The following ITFG2 variants were observed in gnomAD, a reference collection of about 807,000 sequenced individuals.
ITFG2 encodes KICSTOR complex protein ITFG2.
ITFG2 carries 36 observed loss-of-function variants against 54.4 expected under a neutral mutation model. The observed-to-expected ratio is 0.66, with a 90% confidence interval of 0.51 to 0.87. The LOEUF is 0.87. Among genes scored for constraint, ITFG2 ranks in the 40% least tolerant of loss-of-function variants. ITFG2 has a pLI of 0.00. For missense variants in ITFG2, 524 were observed against 576.7 expected, an observed-to-expected ratio of 0.91 and a Z score of 0.94; for synonymous variants, 211 against 225.4, an observed-to-expected ratio of 0.94 and a Z score of 0.57.
At chr12:2,816,320 C>T (rs998341949) in intron 1 of ITFG2, among the ~76,000 whole-genome samples, 6 of 149,098 alleles carry the variant, frequency 4.0e-5, no homozygotes, top group Non-Finnish European at 7.4e-5. Flanking sequence ...CGTGAGTCAC[C>T]GCACACAGCC....
At chr12:2,830,179 A>G (rs1027299098) in intron 2 of ITFG2, 1 of 152,188 alleles carries the variant, frequency 6.6e-6, no homozygotes, top group African/African-American at 2.4e-5. Flanking sequence ...AAAGGTTTCA[A>G]GGAGGAGGTA....
chr12:2,826,847 T>G, downstream of ITFG2: 1 of 377,996 alleles, frequency 2.6e-6, no homozygotes. Context: ...GGGGTGGTAT[T>G]GGGTGATGGA....
exon 4 of ITFG2, chr12:2,859,534 G>T: frequency 6.2e-7 from 1 of 1,614,040 alleles, no homozygotes. Context: ...TCCTCCCCAG[G>T]CTGGATTTCT....
chr12:2,816,309 G>T (rs2097921284), intron 1 of ITFG2, among the ~76,000 whole-genome samples: 1 of 150,662 alleles, frequency 6.6e-6, no homozygotes. Flanking sequence ...GGGATTATCG[G>T]CGTGAGTCAC....
At position 2,824,170 on chromosome 12, in the gene ITFG2, T is replaced by G. The variant is rs1426176667; in HGVS notation, c.1321T>G (p.Ser441Ala). The G allele has an allele frequency of 6.2e-7, 1 of 1,614,156 alleles. No homozygotes were observed. The highest frequency in any genetic ancestry group is 1.3e-5 in the African/African-American group (1 of 75,046). Reference sequence around the variant, plus strand: ...AGACCAGCCACCACAGTGTGCTCCCTCAAGCCTCCAGGATCCCACCTAGCT... The same window carrying G: ...AGACCAGCCACCACAGTGTGCTCCCGCAAGCCTCCAGGATCCCACCTAGCT... ...HPDQPPQCAP[S>A]SLQDPT Residue 441 changes from serine to alanine, a missense_variant, in exon 12 of 12, where the codon TCA becomes GCA. Coordinates refer to ENST00000228799, the MANE Select transcript of ITFG2 (RefSeq NM_018463.4).
chr12:2,859,303 G>A lies in ITFG2; in HGVS notation n.621-231G>A, dbSNP rs1277323216. On this transcript the variant is annotated intron_variant and non_coding_transcript_variant, in intron 3 of 3. Transcript: ENST00000537710. ...AGTAGATGCTGTTTTCTCCGAGACCGGCTCCTCTCCCTCCTCTCCCTGTGT... is the reference window on the plus strand; with the variant it reads ...AGTAGATGCTGTTTTCTCCGAGACCAGCTCCTCTCCCTCCTCTCCCTGTGT... 1.5e-5 allele frequency: 25 copies of A among 1,613,220 alleles called. No individual in the cohort carries two copies. The highest frequency in any genetic ancestry group is 6.7e-5 in the East Asian group (3 of 44,876).
chr12:2,851,959 G>A (rs375479700), intron 2 of ITFG2, among the ~76,000 whole-genome samples: 13 of 152,212 alleles, frequency 8.5e-5, no homozygotes, highest in African/African-American at 2.2e-4. Flanking sequence ...GATTACAGGC[G>A]TGAGCCACCA....
At chr12:2,858,391 C>T (rs979484466) in intron 3 of ITFG2, 1 of 486,286 alleles carries the variant, frequency 2.1e-6, no homozygotes, top group African/African-American at 1.9e-5. Context: ...CTCTTTTCAC[C>T]ATTGCCTTTG....
chr12:2,834,402 G>C (rs559055184), upstream of ITFG2, among the ~76,000 whole-genome samples: 6 of 152,262 alleles, frequency 3.9e-5, no homozygotes, highest in Admixed American at 3.3e-4. Context: ...CAAGTTTGGG[G>C]CCATTAGAGG....
At chr12:2,840,606 G>T (rs2098038807) in intron 1 of ITFG2, among the ~76,000 whole-genome samples, 2 of 151,942 alleles carry the variant, frequency 1.3e-5, no homozygotes, top group Admixed American at 1.3e-4. Flanking sequence ...CTAACACGGT[G>T]AAACCCCATC....
intron 10 of ITFG2, 99 bp downstream of exon 10, chr12:2,823,010 C>T (rs1160428235): frequency 4.6e-6 from 4 of 870,764 alleles, no homozygotes; most frequent in Non-Finnish European, 5.8e-6. Context: ...CCCTTTCTGA[C>T]GTATCCCCTG....
intron 2 of ITFG2, among the ~76,000 whole-genome samples, chr12:2,847,495 G>A (rs1331490888): frequency 2.0e-5 from 3 of 152,010 alleles, no homozygotes; most frequent in Non-Finnish European, 2.9e-5. Context: ...GTGAAACCCC[G>A]TCTCTACTAA....
chr12:2,829,153 T>C (rs898598635), downstream of ITFG2, among the ~76,000 whole-genome samples: 1 of 152,144 alleles, frequency 6.6e-6, no homozygotes, highest in African/African-American at 2.4e-5. Context: ...CCTTGGGAGT[T>C]TGATGGCCTC....
At chr12:2,834,781 C>A, upstream of ITFG2, 1 of 1,613,784 alleles carries the variant, frequency 6.2e-7, no homozygotes, top group Non-Finnish European at 8.5e-7. Flanking sequence ...TGCCTCCTGC[C>A]CCCTCGTCCT....
intron 5 of ITFG2, 87 bp downstream of exon 5, chr12:2,820,312 A>G (rs1208756573): frequency 1.4e-5 from 20 of 1,434,884 alleles, no homozygotes; most frequent in Non-Finnish European, 1.9e-5. Flanking sequence ...GTCATGGGAC[A>G]GGGCCAGGGT....
chr12:2,824,259 G>A lies in ITFG2; in HGVS notation c.*66G>A. The A allele has an allele frequency of 6.7e-7, 1 of 1,486,830 alleles. No homozygotes were observed. The highest frequency in any genetic ancestry group is 9.4e-7 in the Non-Finnish European group (1 of 1,065,618). The allele number at this position is 1,486,830 out of a possible 1,614,324, so 92.1% of individuals were successfully genotyped here. ...CCCACCCTACCCCCTAAAGGTATCTGTGGTATTGGCAGGATAGGGAATATG... is the reference window on the plus strand; with the variant it reads ...CCCACCCTACCCCCTAAAGGTATCTATGGTATTGGCAGGATAGGGAATATG... On this transcript the variant is annotated 3_prime_UTR_variant, in exon 12 of 12. Coordinates refer to ENST00000228799, the MANE Select transcript of ITFG2 (RefSeq NM_018463.4).
intron 2 of ITFG2, chr12:2,855,168 AT>A: frequency 6.6e-7 from 1 of 1,519,060 alleles, no homozygotes; most frequent in Middle Eastern, 1.7e-4. Context: ...AGACATTGCT[AT>A]CGTAGGGCCT....
chr12:2,839,181 A>G (rs1404446937), intron 1 of ITFG2, among the ~76,000 whole-genome samples: 11 of 152,166 alleles, frequency 7.2e-5, no homozygotes, highest in African/African-American at 2.7e-4. Flanking sequence ...AATCCGAGCT[A>G]CTCAGATGCT....
Position 2,817,240 on chromosome 12 carries a change from G to A in ITFG2, c.114G>A (p.Val38=), listed in dbSNP as rs1185298956. 6.2e-7 allele frequency: 1 copy of A among 1,612,268 alleles called. No individual in the cohort carries two copies. Among genetic ancestry groups the A allele is most frequent in the African/African-American group, 1.3e-5 (1 of 75,026 alleles). ...VDNDTLNELV[V]GDTSGKVSVY... is the part of the protein sequence containing the mutation. ...ATTTGAAGTTAAATGAACTGGTGGT[G>A]GGAGACACCAGCGGGAAGGTGTCTG... is the stretch of plus-strand genomic sequence containing the variant. The change falls in exon 2 of 12, where the codon GTG becomes GTA. Residue 38 remains valine (V), a synonymous_variant. Coordinates refer to ENST00000228799, the MANE Select transcript of ITFG2 (RefSeq NM_018463.4).
Sources: gnomAD v4.1 joint callset for allele counts (sites outside exome capture counted in the v4.1 genomes callset) on GRCh38, gnomAD v4.1.1 for gene constraint, MANE v1.5 for transcripts, NCBI Gene and HGNC (gene_info 2026-07-23, HGNC 2026-07-21) for gene names.